CAST: variants seen among roughly 807,000 people sequenced by gnomAD.
CAST encodes MIR583 host.
A neutral mutation model predicts 119.6 loss-of-function variants in CAST; 76 were observed. The ratio of observed to expected loss-of-function variants is 0.64; its 90% confidence interval spans 0.53 to 0.77. The LOEUF is 0.77. Ranked by LOEUF, CAST falls within the 30% of genes least tolerant of loss-of-function variation. CAST has a pLI of 0.00. For synonymous variants in CAST, 319 were observed against 331.6 expected, an observed-to-expected ratio of 0.96 and a Z score of 0.41; for missense variants, 953 against 946.5, an observed-to-expected ratio of 1.01 and a Z score of -0.09.
rs190078201 is a variant in CAST at position 96,663,458 on chromosome 5, C to T, written c.75+961C>T. Among the ~76,000 whole-genome samples the T allele has an allele frequency of 6.4e-4, 97 of 152,338 alleles. 1 individual carries two copies. The highest frequency in any genetic ancestry group is 5.8e-3 in the East Asian group (30 of 5,182). ...GCTGGCGCTCACAAGTGGGATGGAA[C>T]TGGAATTGTTGCTGGAGGAATTCTG... On this transcript the variant is annotated intron_variant, in intron 1 of 31. Coordinates refer to ENST00000675179, the MANE Select transcript of CAST (RefSeq NM_001750.7).
chr5:96,112,926 ATC>A, the CAST span, among the ~76,000 whole-genome samples: 1 of 152,238 alleles, frequency 6.6e-6, no homozygotes, highest in Non-Finnish European at 1.5e-5. Context: ...ATAATATCAT[ATC>A]TCTTTCTATT....
chr5:96,610,300 CT>C (rs1167297872), intron 1 of CAST, among the ~76,000 whole-genome samples: 3 of 152,188 alleles, frequency 2.0e-5, no homozygotes, highest in Non-Finnish European at 4.4e-5. Flanking sequence ...AATTAAACCT[CT>C]TTTCTTTGTA....
At chr5:96,543,295 C>A (rs1745950796) in intron 1 of CAST, among the ~76,000 whole-genome samples, 2 of 152,120 alleles carry the variant, frequency 1.3e-5, no homozygotes, top group South Asian at 4.1e-4. Context: ...GAAAACCAAG[C>A]ACCACATGTT....
chr5:96,753,063 G>A lies in CAST; in HGVS notation c.1525-997G>A, dbSNP rs1001621696. 3.3e-5 allele frequency among the ~76,000 whole-genome samples: 5 copies of A among 150,388 alleles called. No individual in the cohort carries two copies. In the South Asian group the frequency reaches 6.3e-4, roughly 19 times the overall value. On this transcript the variant is annotated intron_variant, in intron 20 of 31. Transcript: ENST00000675179. ...GGTTGGACTGCAATGGCATGATCTC[G>A]GCTCACTGCAACCTCAACCTCCTGA...
At chr5:96,557,772 C>T (rs1255870905) in intron 1 of CAST, among the ~76,000 whole-genome samples, 3 of 152,100 alleles carry the variant, frequency 2.0e-5, no homozygotes, top group African/African-American at 7.2e-5. Context: ...TTTAGCACAC[C>T]ACTGTCAACA....
At chr5:96,714,299 A>T (rs1350371211) in intron 3 of CAST, among the ~76,000 whole-genome samples, 1 of 152,214 alleles carries the variant, frequency 6.6e-6, no homozygotes, top group Non-Finnish European at 1.5e-5. Flanking sequence ...CATGCTCTTA[A>T]CCTCTGTGTT....
chr5:96,291,926 T>C, the CAST span, among the ~76,000 whole-genome samples: 6 of 150,886 alleles, frequency 4.0e-5, no homozygotes, highest in African/African-American at 1.5e-4. Flanking sequence ...GAATCTTTCT[T>C]TCCTGTTTCT....
upstream of CAST, among the ~76,000 whole-genome samples, chr5:96,529,390 C>A (rs1040915816): frequency 7.2e-6 from 1 of 138,948 alleles, no homozygotes; most frequent in Non-Finnish European, 1.6e-5. Flanking sequence ...TTTTTGGTTT[C>A]TTTTTTGTTT....
At chr5:96,752,961 T>TACACACACACAC (rs112835890) in intron 20 of CAST, among the ~76,000 whole-genome samples, 3,156 of 143,340 alleles carry the variant, frequency 0.022, 49 homozygotes, top group Non-Finnish European at 0.033. Context: ...ATGCATTTTA[T>TACACACACACAC]ACACACACAC....
At chr5:96,009,679 G>C in the CAST span, among the ~76,000 whole-genome samples, 2 of 152,022 alleles carry the variant, frequency 1.3e-5, no homozygotes, top group Non-Finnish European at 2.9e-5. Flanking sequence ...GTTCCTTATA[G>C]ATTCTGGATA....
At chr5:96,510,384 C>A in the CAST span, among the ~76,000 whole-genome samples, 1 of 152,156 alleles carries the variant, frequency 6.6e-6, no homozygotes, top group Non-Finnish European at 1.5e-5. Context: ...AAGTAACCTT[C>A]CAGTTTGATG....
chr5:96,107,120 T>A, the CAST span, among the ~76,000 whole-genome samples: 9 of 151,100 alleles, frequency 6.0e-5, no homozygotes, highest in Non-Finnish European at 1.3e-4. Context: ...TGTGTGTCTC[T>A]GCACGTGAGA....
chr5:96,379,536 A>G, the CAST span: 1 of 152,200 alleles, frequency 6.6e-6, no homozygotes, highest in African/African-American at 2.4e-5. Context: ...ATATGAATGT[A>G]AAAACCTTTT....
the CAST span, among the ~76,000 whole-genome samples, chr5:96,468,524 G>T: frequency 6.6e-6 from 1 of 152,092 alleles, no homozygotes; most frequent in Admixed American, 6.6e-5. Flanking sequence ...CAATCCCATT[G>T]TAATGGCTAC....
At chr5:96,071,752 A>G in the CAST span, among the ~76,000 whole-genome samples, 7 of 152,138 alleles carry the variant, frequency 4.6e-5, no homozygotes, top group African/African-American at 1.7e-4. Context: ...TTTTAAAAAA[A>G]GTTTTAAAAA....
chr5:96,565,716 G>T (rs373899294), intron 1 of CAST, among the ~76,000 whole-genome samples: 1 of 152,256 alleles, frequency 6.6e-6, no homozygotes, highest in East Asian at 1.9e-4. Flanking sequence ...AGCCCGCCAG[G>T]CTAGAGAACG....
chr5:96,328,931 T>C, the CAST span, among the ~76,000 whole-genome samples: 1 of 152,262 alleles, frequency 6.6e-6, no homozygotes, highest in Non-Finnish European at 1.5e-5. Flanking sequence ...ATGGTATATT[T>C]TGAAATTATG....
chr5:96,106,078 G>C, the CAST span, among the ~76,000 whole-genome samples: 1 of 152,098 alleles, frequency 6.6e-6, no homozygotes, highest in African/African-American at 2.4e-5. Flanking sequence ...GATCGGTGGT[G>C]ATATCCCCTT....
At chr5:96,690,465 G>A (rs1007034496) in intron 2 of CAST, among the ~76,000 whole-genome samples, 1 of 152,074 alleles carries the variant, frequency 6.6e-6, no homozygotes, top group South Asian at 2.1e-4. Flanking sequence ...CCTGACCTCA[G>A]GTGATCCGCC....
Sources: gnomAD v4.1 joint callset for allele counts (sites outside exome capture counted in the v4.1 genomes callset) on GRCh38, gnomAD v4.1.1 for gene constraint, MANE v1.5 for transcripts, NCBI Gene and HGNC (gene_info 2026-07-23, HGNC 2026-07-21) for gene names.